GLG1: variants seen among roughly 807,000 people sequenced by gnomAD.
GLG1 encodes golgi glycoprotein 1, also known as Golgi apparatus protein 1.
Under a neutral mutation model 160.5 loss-of-function variants are expected in GLG1, and 38 were observed. The ratio of observed to expected loss-of-function variants is 0.24; its 90% confidence interval spans 0.18 to 0.31. GLG1 has a LOEUF of 0.31. Among genes scored for constraint, GLG1 ranks in the 10% least tolerant of loss-of-function variants. The probability of loss-of-function intolerance (pLI) is 1.00; values close to 1 mark genes in which losing one functional copy is unlikely to be tolerated. For missense variants in GLG1, 1,373 were observed against 1,505.2 expected (o/e 0.91, Z 1.45); for synonymous variants, 644 against 543.4 (o/e 1.19, Z -2.57).
chr16:74,587,750 G>C (rs180706080), intron 1 of GLG1, among the ~76,000 whole-genome samples: 8 of 152,176 alleles, frequency 5.3e-5, no homozygotes, highest in African/African-American at 1.9e-4. Context: ...CCTGTAGTCC[G>C]GAGGCTGAGG....
intron 1 of GLG1, among the ~76,000 whole-genome samples, chr16:74,534,284 A>C (rs540974658): frequency 5.3e-5 from 8 of 152,172 alleles, no homozygotes; most frequent in African/African-American, 1.9e-4. Context: ...CTGAAGTTTA[A>C]CTTATATCTC....
intron 15 of GLG1, among the ~76,000 whole-genome samples, chr16:74,470,467 T>G (rs1597234895): frequency 9.9e-6 from 1 of 100,834 alleles, no homozygotes; most frequent in African/African-American, 3.4e-5. Flanking sequence ...TTTTTTTTTT[T>G]GACAGAGCCT....
At chr16:74,477,287 C>T (rs1050672129) in intron 12 of GLG1, 109 bp downstream of exon 12, 52 of 888,178 alleles carry the variant, frequency 5.9e-5, no homozygotes, top group Non-Finnish European at 9.3e-5. Flanking sequence ...CAACAAATCA[C>T]ATCTGTAAGG....
intron 1 of GLG1, among the ~76,000 whole-genome samples, chr16:74,540,478 C>A (rs1282004150): frequency 1.3e-5 from 2 of 151,802 alleles, no homozygotes; most frequent in Non-Finnish European, 1.5e-5. Flanking sequence ...AGAGATATTT[C>A]TTTTCATATA....
At chr16:74,522,818 G>A (rs2017212101) in intron 2 of GLG1, among the ~76,000 whole-genome samples, 1 of 152,054 alleles carries the variant, frequency 6.6e-6, no homozygotes, top group African/African-American at 2.4e-5. Flanking sequence ...AAAGTAGCTG[G>A]GACCACAGGC....
chr16:74,583,648 G>A (rs925251588), intron 1 of GLG1, among the ~76,000 whole-genome samples: 5 of 152,122 alleles, frequency 3.3e-5, no homozygotes, highest in African/African-American at 1.2e-4. Flanking sequence ...CCAAAGTGCT[G>A]GGATTACAGG....
chr16:74,470,330 C>T (rs2015154986), intron 15 of GLG1, among the ~76,000 whole-genome samples: 1 of 142,844 alleles, frequency 7.0e-6, no homozygotes, highest in African/African-American at 2.6e-5. Flanking sequence ...CCTTCCTTTC[C>T]TTCTTTCCTT....
intron 1 of GLG1, among the ~76,000 whole-genome samples, chr16:74,602,292 A>C (rs1958455843): frequency 6.6e-6 from 1 of 152,242 alleles, no homozygotes; most frequent in African/African-American, 2.4e-5. Flanking sequence ...GGTGGCAAGA[A>C]AGAATTTTTT....
At chr16:74,558,886 T>C (rs2018426262) in intron 1 of GLG1, among the ~76,000 whole-genome samples, 2 of 152,192 alleles carry the variant, frequency 1.3e-5, no homozygotes, top group Non-Finnish European at 2.9e-5. Flanking sequence ...CATCTTCTTT[T>C]TACTTTTTAT....
rs2016196611 is a variant in GLG1, at chr16:74,496,594, C to T, written c.825G>A (p.Val275=). ...TGGGTTCTCTTTCTTCTGCTTCTTTCACCAGGCCTTTCTCCAAGCATGATA... is the reference window on the plus strand; with the variant it reads ...TGGGTTCTCTTTCTTCTGCTTCTTTTACCAGGCCTTTCTCCAAGCATGATA... ...EVVSCLEKGL[V]KEAEEREPKI... The change falls in exon 5 of 26, where the codon GTG becomes GTA. Residue 275 remains valine (V), a synonymous_variant. Coordinates refer to ENST00000422840, the MANE Select transcript of GLG1 (RefSeq NM_001145667.2). The T allele has an allele frequency of 6.2e-7, 1 of 1,613,340 alleles. No individual in the cohort carries two copies. The highest frequency in any genetic ancestry group is 8.5e-7 in the Non-Finnish European group (1 of 1,179,402).
At chr16:74,481,440 A>G (rs1346870214) in intron 10 of GLG1, among the ~76,000 whole-genome samples, 1 of 152,216 alleles carries the variant, frequency 6.6e-6, no homozygotes, top group African/African-American at 2.4e-5. Flanking sequence ...TTAAGAACTA[A>G]TATTTAATGA....
At chr16:74,528,811 CA>C (rs35777516) in intron 2 of GLG1, among the ~76,000 whole-genome samples, 12,395 of 61,446 alleles carry the variant, frequency 0.2, 367 homozygotes, top group Middle Eastern at 0.35. Context: ...GATTCTGTCT[CA>C]AAAAAAAAAA....
intron 3 of GLG1, among the ~76,000 whole-genome samples, chr16:74,506,349 C>A (rs565564205): frequency 6.6e-6 from 1 of 151,198 alleles, no homozygotes; most frequent in Non-Finnish European, 1.5e-5. Context: ...GAGGCCCAGG[C>A]GGGCGGATCA....
Position 74,471,162 on chromosome 16 carries a change from G to C in GLG1, c.2229+11C>G, listed in dbSNP as rs1027264675. The C allele has an allele frequency of 7.2e-7, 1 of 1,396,020 alleles. No homozygotes were observed. Among genetic ancestry groups the C allele is most frequent in the Admixed American group, 1.7e-5 (1 of 59,748 alleles). The allele number at this position is 1,396,020 out of a possible 1,614,324, so 86.5% of individuals were successfully genotyped here. ...GCTATGATGGGATATTGGCAGCCAG[G>C]TGTCACTGACCAGCTGGAAGTGGGT... is the stretch of plus-strand genomic sequence containing the variant. On this transcript the variant is annotated intron_variant, in intron 15 of 25. Transcript: ENST00000422840.
chr16:74,499,523 G>A (rs991778141), intron 4 of GLG1, among the ~76,000 whole-genome samples: 1 of 152,158 alleles, frequency 6.6e-6, no homozygotes, highest in African/African-American at 2.4e-5. Context: ...TGCTGTACAG[G>A]TTTGTAGCCT....
At chr16:74,515,673 G>A (rs546837082) in intron 2 of GLG1, among the ~76,000 whole-genome samples, 1 of 151,650 alleles carries the variant, frequency 6.6e-6, no homozygotes, top group Non-Finnish European at 1.5e-5. Context: ...TACACGTTGT[G>A]TACATGTACC....
At chr16:74,589,673 C>G (rs1030667345) in intron 1 of GLG1, among the ~76,000 whole-genome samples, 1 of 152,146 alleles carries the variant, frequency 6.6e-6, no homozygotes, top group Non-Finnish European at 1.5e-5. Flanking sequence ...GGAATTTCCA[C>G]AAGAGGAAGG....
At chr16:74,552,193 G>A (rs952952109) in intron 1 of GLG1, 13 of 409,958 alleles carry the variant, frequency 3.2e-5, no homozygotes, top group East Asian at 2.9e-4. Context: ...TGGAAGATGC[G>A]ATCTCTGTTA....
At chr16:74,513,645 T>C (rs1229886434) in intron 2 of GLG1, among the ~76,000 whole-genome samples, 15 of 152,050 alleles carry the variant, frequency 9.9e-5, no homozygotes, top group African/African-American at 3.6e-4. Flanking sequence ...ACCCCATTCG[T>C]AGGTCACCAA....
Sources: gnomAD v4.1 joint callset for allele counts (sites outside exome capture counted in the v4.1 genomes callset) on GRCh38, gnomAD v4.1.1 for gene constraint, MANE v1.5 for transcripts, NCBI Gene and HGNC (gene_info 2026-07-23, HGNC 2026-07-21) for gene names.